The following BTAF1 variants were observed in gnomAD, a reference collection of about 807,000 sequenced individuals.
BTAF1 encodes the protein TATA-binding protein-associated factor 172.
BTAF1 carries 38 observed loss-of-function variants against 227.1 expected under a neutral mutation model. The observed-to-expected ratio is 0.17, with a 90% CI of 0.13 to 0.22. The LOEUF (loss-of-function observed/expected upper bound fraction) is 0.22, where lower values mean the gene tolerates loss of function less well. Among genes scored for constraint, BTAF1 ranks in the 10% least tolerant of loss-of-function variants. The pLI is 1.00. For missense variants in BTAF1, 1,598 were observed against 2,204.0 expected, an observed-to-expected ratio of 0.73 and a Z score of 5.51; for synonymous variants, 742 against 751.9, an observed-to-expected ratio of 0.99 and a Z score of 0.21.
intron 14 of BTAF1, among the ~76,000 whole-genome samples, chr10:91,968,866 CTATTTT>C (rs1216857554): frequency 3.9e-5 from 6 of 151,918 alleles, no homozygotes; most frequent in African/African-American, 1.4e-4. Context: ...CAGCTTTTGC[CTATTTT>C]TATTTATTTA....
chr10:91,954,015 G>C, intron 6 of BTAF1, 142 bp downstream of exon 6: 1 of 1,198,886 alleles, frequency 8.3e-7, no homozygotes, highest in Non-Finnish European at 1.2e-6. Context: ...TTGTCAGAGA[G>C]TATTCATTGT....
chr10:91,958,240 TGG>T (rs1846235493), intron 8 of BTAF1, among the ~76,000 whole-genome samples: 1 of 151,986 alleles, frequency 6.6e-6, no homozygotes, highest in Non-Finnish European at 1.5e-5. Flanking sequence ...TTATTAGAGA[TGG>T]GGCTTCATCA....
rs1205232826 is a variant in BTAF1, at chr10:92,029,403, A to G, written c.*470A>G. On this transcript the variant is annotated 3_prime_UTR_variant, in exon 38 of 38. Transcript: ENST00000265990. Reference sequence around the variant, plus strand: ...TAAGAATATAAGAATAATGACTATGATATTGGTCAGTCTTAGAACATGAAA... The same window carrying G: ...TAAGAATATAAGAATAATGACTATGGTATTGGTCAGTCTTAGAACATGAAA... The G allele has an allele frequency of 6.6e-6, 1 of 152,598 alleles. No individual in the cohort carries two copies. The highest frequency in any genetic ancestry group is 1.5e-5 in the Non-Finnish European group (1 of 68,036). 9.5% of individuals were successfully genotyped at this position (152,598 alleles called of 1,614,324 possible).
At chr10:91,966,497 CTG>C (rs1378456021) in intron 13 of BTAF1, 138 bp from the exon 14 acceptor site, 1 of 812,198 alleles carries the variant, frequency 1.2e-6, no homozygotes, top group Non-Finnish European at 1.9e-6. Flanking sequence ...CATATGAAAA[CTG>C]TATTATCTTT....
chr10:91,927,980 C>CTT (rs60105160), intron 1 of BTAF1, among the ~76,000 whole-genome samples: 128 of 121,552 alleles, frequency 1.1e-3, no homozygotes, highest in East Asian at 1.4e-3. Flanking sequence ...TGCCTTTTTT[C>CTT]TTTTTTTTTT....
chr10:91,943,560 T>TA (rs1305347017), intron 4 of BTAF1, among the ~76,000 whole-genome samples: 1 of 152,344 alleles, frequency 6.6e-6, no homozygotes, highest in East Asian at 1.9e-4. Context: ...TTCACTTTTT[T>TA]ATCATAAAAA....
intron 34 of BTAF1, among the ~76,000 whole-genome samples, chr10:92,020,056 T>C (rs1349610615): frequency 6.6e-6 from 1 of 152,108 alleles, no homozygotes; most frequent in African/African-American, 2.4e-5. Flanking sequence ...ATTAAACCCT[T>C]ATCAGACATA....
chr10:92,027,347 T>C (rs923513289), intron 37 of BTAF1, 47 bp downstream of exon 37: 19 of 1,516,800 alleles, frequency 1.3e-5, no homozygotes, highest in Non-Finnish European at 1.7e-5. Flanking sequence ...ACAGGCTTCC[T>C]GTGACTGCTA....
At chr10:92,007,504 C>T (rs985369257) in intron 25 of BTAF1, among the ~76,000 whole-genome samples, 27 of 152,014 alleles carry the variant, frequency 1.8e-4, no homozygotes, top group African/African-American at 6.3e-4. Context: ...ATTACTGGTG[C>T]GAGCCACCAT....
At chr10:91,980,200 ATTG>A (rs1403812404) in intron 14 of BTAF1, among the ~76,000 whole-genome samples, 3 of 152,130 alleles carry the variant, frequency 2.0e-5, no homozygotes, top group African/African-American at 4.8e-5. Context: ...TTGAGGAAAA[ATTG>A]TTGTTAATGA....
At chr10:91,975,773 C>T (rs193016438) in intron 14 of BTAF1, among the ~76,000 whole-genome samples, 12 of 152,266 alleles carry the variant, frequency 7.9e-5, no homozygotes, top group East Asian at 3.9e-4. Context: ...AAAGAGGGAC[C>T]GTAACAAAAG....
intron 3 of BTAF1, 39 bp from the exon 4 acceptor site, chr10:91,942,383 G>C (rs1845077599): frequency 6.4e-7 from 1 of 1,570,772 alleles, no homozygotes; most frequent in Non-Finnish European, 8.7e-7. Flanking sequence ...TCCACACTTT[G>C]GCTATATGGT....
intron 34 of BTAF1, among the ~76,000 whole-genome samples, chr10:92,024,130 A>T (rs912307242): frequency 1.3e-5 from 2 of 152,162 alleles, no homozygotes; most frequent in African/African-American, 4.8e-5. Context: ...TCTATAGCAA[A>T]ATGTGGTTTC....
chr10:92,019,162 T>C (rs1850946483), intron 34 of BTAF1, among the ~76,000 whole-genome samples: 1 of 152,242 alleles, frequency 6.6e-6, no homozygotes, highest in Non-Finnish European at 1.5e-5. Flanking sequence ...TTTACAATGT[T>C]GTACAACCAT....
intron 28 of BTAF1, among the ~76,000 whole-genome samples, 192 bp downstream of exon 28, chr10:92,009,400 A>G (rs914546909): frequency 2.0e-5 from 3 of 152,240 alleles, no homozygotes; most frequent in Non-Finnish European, 4.4e-5. Flanking sequence ...AATTTTAACC[A>G]TTGTACAATA....
intron 25 of BTAF1, among the ~76,000 whole-genome samples, chr10:92,005,373 G>A (rs985839043): frequency 2.6e-5 from 4 of 152,112 alleles, no homozygotes; most frequent in Admixed American, 1.3e-4. Context: ...CTGCAATTTA[G>A]GGATTGCATC....
rs76489609 is a variant in BTAF1, at chr10:92,003,335, C to G, written c.3661-4788C>G. 1.0e-2 allele frequency among the ~76,000 whole-genome samples: 1,518 copies of G among 152,236 alleles called. 26 individuals are homozygous for G. The highest frequency in any genetic ancestry group is 0.035 in the African/African-American group (1,440 of 41,538). ...ACTGTAGTCACCATGCTGTACAGAT[C>G]TACAGAATGTATTCATTCTATGTAA... On this transcript the variant is annotated intron_variant, in intron 25 of 37. Coordinates refer to ENST00000265990, the MANE Select transcript of BTAF1 (RefSeq NM_003972.3).
chr10:91,932,971 A>G (rs1020817743), intron 1 of BTAF1, among the ~76,000 whole-genome samples: 1 of 152,202 alleles, frequency 6.6e-6, no homozygotes, highest in South Asian at 2.1e-4. Context: ...AGTCTCACAC[A>G]TGGGGCCATT....
intron 14 of BTAF1, among the ~76,000 whole-genome samples, chr10:91,974,984 T>G (rs966574516): frequency 1.3e-5 from 2 of 152,354 alleles, no homozygotes; most frequent in East Asian, 1.9e-4. Context: ...ATATTGTCTC[T>G]TTAGCCAGTG....
Sources: allele counts gnomAD v4.1 joint callset (sites outside exome capture counted in the v4.1 genomes callset), GRCh38; gene constraint gnomAD v4.1.1; transcripts MANE v1.5; gene names NCBI Gene and HGNC (gene_info 2026-07-23, HGNC 2026-07-21).